Variants in FBXW11 observed in about 807,000 individuals in gnomAD.
FBXW11 encodes the protein F-box/WD repeat-containing protein 11.
A neutral mutation model predicts 77.6 loss-of-function variants in FBXW11; 19 were observed. The observed-to-expected ratio is 0.24, with a 90% CI of 0.17 to 0.36. FBXW11 has a LOEUF of 0.36. Among genes scored for constraint, FBXW11 ranks in the 10% least tolerant of loss-of-function variants. The pLI is 1.00. For missense variants in FBXW11, 334 were observed against 704.2 expected (o/e 0.47, Z 5.95); for synonymous variants, 235 against 249.4 (o/e 0.94, Z 0.54).
intron 7 of FBXW11, among the ~76,000 whole-genome samples, chr5:171,882,585 G>A (rs933317900): frequency 6.6e-6 from 1 of 152,110 alleles, no homozygotes; most frequent in Non-Finnish European, 1.5e-5. Flanking sequence ...GATTACAGAC[G>A]TGAACCACTG....
intron 2 of FBXW11, among the ~76,000 whole-genome samples, chr5:171,923,308 TATA>T (rs1561687523): frequency 1.3e-5 from 2 of 152,206 alleles, no homozygotes; most frequent in Admixed American, 6.5e-5. Context: ...CTTTCTCAAA[TATA>T]TTATTACAAA....
chr5:171,951,322 G>A (rs1434332068), intron 2 of FBXW11, among the ~76,000 whole-genome samples: 1 of 152,090 alleles, frequency 6.6e-6, no homozygotes, highest in Non-Finnish European at 1.5e-5. Context: ...GATCACTTGA[G>A]ACCAGAAGTT....
intron 1 of FBXW11, among the ~76,000 whole-genome samples, chr5:171,971,675 A>G (rs906082368): frequency 5.9e-5 from 9 of 152,236 alleles, no homozygotes; most frequent in African/African-American, 2.2e-4. Flanking sequence ...AAAAAGGGAA[A>G]AGTTGAAAAT....
intron 1 of FBXW11, among the ~76,000 whole-genome samples, chr5:171,973,324 TG>T (rs931707221): frequency 2.0e-5 from 3 of 152,082 alleles, no homozygotes; most frequent in African/African-American, 7.2e-5. Context: ...GAAAAAAAGA[TG>T]GGAGAGGCGA....
chr5:171,884,612 T>G (rs1332384281), intron 7 of FBXW11, among the ~76,000 whole-genome samples: 1 of 152,170 alleles, frequency 6.6e-6, no homozygotes, highest in Non-Finnish European at 1.5e-5. Flanking sequence ...TTTCCTGGTT[T>G]TGGTATTAGG....
At chr5:171,977,526 C>A in intron 1 of FBXW11, 1 of 425,742 alleles carries the variant, frequency 2.3e-6, no homozygotes, top group Non-Finnish European at 4.7e-6. Context: ...AGCTGATTGT[C>A]TAGCAGGGGA....
intron 2 of FBXW11, among the ~76,000 whole-genome samples, chr5:171,924,239 C>T (rs1353684790): frequency 1.3e-5 from 2 of 152,070 alleles, no homozygotes; most frequent in African/African-American, 4.8e-5. Context: ...CACCTTCAAG[C>T]TAAAAACAGC....
chr5:171,993,361 C>T (rs1452550757), intron 1 of FBXW11, among the ~76,000 whole-genome samples: 1 of 152,136 alleles, frequency 6.6e-6, no homozygotes, highest in Non-Finnish European at 1.5e-5. Context: ...CACCTGTAAT[C>T]CCAGCACTAT....
chr5:171,952,447 A>ATTTTTT lies in FBXW11; in HGVS notation c.147+5144_147+5149dup, dbSNP rs1164383563. Among the ~76,000 whole-genome samples the ATTTTTT allele has an allele frequency of 6.2e-3, 43 of 6,944 alleles. 8 individuals carry two copies. The East Asian group carries it at 0.2, about 32-fold the overall frequency. The allele number at this position is 6,944 out of a possible 152,430, so 4.6% of individuals were successfully genotyped here. A position where few individuals can be genotyped will look rare whatever the true frequency, so the allele number is the denominator to read the frequency against. On this transcript the variant is annotated intron_variant, in intron 2 of 13. Transcript: ENST00000517395. ...CATATATATATATATATATATATAT[A>ATTTTTT]TTTTTTTTTTTTTTTTTTTTTTTGA...
intron 1 of FBXW11, among the ~76,000 whole-genome samples, chr5:171,978,884 T>C (rs77980567): frequency 0.024 from 3,702 of 152,238 alleles, 84 homozygotes; most frequent in African/African-American, 0.058. Flanking sequence ...GAAAAATACA[T>C]CCAATGTCAC....
At chr5:171,981,310 T>C (rs924100529) in intron 1 of FBXW11, among the ~76,000 whole-genome samples, 2 of 152,162 alleles carry the variant, frequency 1.3e-5, no homozygotes, top group Admixed American at 1.3e-4. Context: ...GACTATTCAG[T>C]TGTATCCCTT....
intron 1 of FBXW11, among the ~76,000 whole-genome samples, chr5:171,959,714 G>A (rs1763794080): frequency 6.6e-6 from 1 of 151,940 alleles, no homozygotes; most frequent in Non-Finnish European, 1.5e-5. Flanking sequence ...CAGGCGTGTG[G>A]TGGCACACAC....
chr5:171,874,039 A>G (rs1011644984), intron 9 of FBXW11, among the ~76,000 whole-genome samples: 1 of 152,208 alleles, frequency 6.6e-6, no homozygotes, highest in Non-Finnish European at 1.5e-5. Flanking sequence ...AATTAAAATC[A>G]TTTGTGCATC....
intron 7 of FBXW11, among the ~76,000 whole-genome samples, chr5:171,890,997 AATCAG>A (rs915869167): frequency 4.6e-5 from 7 of 152,228 alleles, no homozygotes; most frequent in African/African-American, 1.7e-4. Context: ...TGTAAAATAA[AATCAG>A]ATCAGATCAG....
At chr5:171,986,628 G>A (rs960532793) in intron 1 of FBXW11, among the ~76,000 whole-genome samples, 1 of 151,702 alleles carries the variant, frequency 6.6e-6, no homozygotes, top group Non-Finnish European at 1.5e-5. Context: ...TTAGGAGGCT[G>A]AGATAGGAGA....
chr5:171,951,708 TG>T lies in FBXW11; in HGVS notation c.147+5888del, dbSNP rs1275901208. Among the ~76,000 whole-genome samples, 107 of 152,130 alleles carry T rather than the reference TG, an allele frequency of 7.0e-4. 1 individual carries two copies. Among genetic ancestry groups the T allele is most frequent in the African/African-American group, 2.6e-3 (106 of 41,424 alleles). ...GTTTCACCATGTTGGTGACCTCAGG[TG>T]ATCCATTTGCCTGGGCCTCCCAAAG... On this transcript the variant is annotated intron_variant, in intron 2 of 13. Coordinates refer to ENST00000517395, the MANE Select transcript of FBXW11 (RefSeq NM_001378974.1).
intron 2 of FBXW11, among the ~76,000 whole-genome samples, chr5:171,923,279 T>C (rs913975452): frequency 6.6e-6 from 1 of 152,224 alleles, no homozygotes; most frequent in Non-Finnish European, 1.5e-5. Context: ...AAATTCTATA[T>C]ATATTCTAGA....
chr5:171,913,818 TACACAC>T (rs1161644281), intron 3 of FBXW11, among the ~76,000 whole-genome samples: 1,417 of 65,292 alleles, frequency 0.022, 39 homozygotes, highest in African/African-American at 0.057. Context: ...CACACACACA[TACACAC>T]ACACACACAC....
At chr5:171,918,114 C>T (rs184776087) in intron 2 of FBXW11, among the ~76,000 whole-genome samples, 2 of 152,100 alleles carry the variant, frequency 1.3e-5, no homozygotes, top group African/African-American at 2.4e-5. Flanking sequence ...CAATACAGTC[C>T]TCTCCTATTC....
Sources: allele counts gnomAD v4.1 joint callset (sites outside exome capture counted in the v4.1 genomes callset), GRCh38; gene constraint gnomAD v4.1.1; transcripts MANE v1.5; gene names NCBI Gene and HGNC (gene_info 2026-07-23, HGNC 2026-07-21).